Variants in EXT2 observed in about 807,000 individuals in gnomAD.
EXT2 encodes the protein exostosin glycosyltransferase 2.
A neutral mutation model predicts 81.6 loss-of-function variants in EXT2; 53 were observed. The observed-to-expected ratio is 0.65, with a 90% CI of 0.52 to 0.82. The LOEUF (loss-of-function observed/expected upper bound fraction) is 0.82. Among genes scored for constraint, EXT2 ranks in the 40% least tolerant of loss-of-function variants. EXT2 has a pLI of 0.00. For synonymous variants in EXT2, 320 were observed against 340.0 expected (o/e 0.94, Z 0.65); for missense variants, 774 against 910.2 (o/e 0.85, Z 1.93).
intron 4 of EXT2, among the ~76,000 whole-genome samples, chr11:44,123,999 C>G (rs1393589995): frequency 1.3e-5 from 2 of 150,572 alleles, no homozygotes; most frequent in Admixed American, 6.6e-5. Context: ...AAAATCTTCC[C>G]CTTGACTTCA....
intron 10 of EXT2, among the ~76,000 whole-genome samples, chr11:44,221,217 C>T (rs1342797212): frequency 6.6e-6 from 1 of 152,032 alleles, no homozygotes; most frequent in Non-Finnish European, 1.5e-5. Context: ...TAGTATGTGC[C>T]AAGCAGCCCT....
rs374628678 is a variant in EXT2, at chr11:44,103,940, CA to C, written c.-30-3740del. ...AGAATTTTATTAGTCTGTTTTTAAA[CA>C]AACAACTTTTAGCCTTGTTGACCAT... On this transcript the variant is annotated intron_variant, in intron 1 of 13. Coordinates refer to ENST00000533608, the MANE Select transcript of EXT2 (RefSeq NM_207122.2). Among the ~76,000 whole-genome samples the C allele has an allele frequency of 3.8e-3, 573 of 152,230 alleles. 4 individuals are homozygous for C. Among genetic ancestry groups the C allele is most frequent in the African/African-American group, 0.013 (548 of 41,538 alleles).
chr11:44,215,103 G>A (rs1955702315), intron 10 of EXT2, among the ~76,000 whole-genome samples: 1 of 151,962 alleles, frequency 6.6e-6, no homozygotes, highest in Non-Finnish European at 1.5e-5. Flanking sequence ...TGCTTTTTTT[G>A]TATTTAATTA....
intron 8 of EXT2, among the ~76,000 whole-genome samples, chr11:44,197,218 G>A (rs1388173527): frequency 2.0e-5 from 3 of 150,516 alleles, no homozygotes; most frequent in Non-Finnish European, 4.4e-5. Flanking sequence ...GGGAGGGTTT[G>A]TGAATCTGGG....
intron 6 of EXT2, among the ~76,000 whole-genome samples, chr11:44,129,109 C>T (rs1016423638): frequency 1.3e-5 from 2 of 152,218 alleles, no homozygotes; most frequent in African/African-American, 4.8e-5. Context: ...GTGGGCTCTA[C>T]CCTCTCATCC....
rs1956134100 is a variant in EXT2 at position 44,251,036 on chromosome 11, C to T, written c.*6749C>T. Among the ~76,000 whole-genome samples, 1 of 152,196 alleles carries T rather than the reference C, an allele frequency of 6.6e-6. No homozygotes were observed. Among genetic ancestry groups the T allele is most frequent in the South Asian group, 2.1e-4 (1 of 4,830 alleles). ...TCTCCTCTCTTCTGTCTACCCTGCACCAAAATACCTTGTCCTGTTTTCTGG... is the reference window on the plus strand; with the variant it reads ...TCTCCTCTCTTCTGTCTACCCTGCATCAAAATACCTTGTCCTGTTTTCTGG... On this transcript the variant is annotated 3_prime_UTR_variant, in exon 14 of 14. Transcript: ENST00000533608.
chr11:44,186,358 T>C (rs1473122539), intron 8 of EXT2, among the ~76,000 whole-genome samples: 1 of 152,232 alleles, frequency 6.6e-6, no homozygotes, highest in African/African-American at 2.4e-5. Flanking sequence ...TCTTTTAATA[T>C]GGCTTATGTT....
At chr11:44,100,750 T>C (rs1169774344) in intron 1 of EXT2, among the ~76,000 whole-genome samples, 1 of 152,160 alleles carries the variant, frequency 6.6e-6, no homozygotes, top group Non-Finnish European at 1.5e-5. Context: ...ATGCACAGCC[T>C]TGACAGGTTG....
intron 1 of EXT2, among the ~76,000 whole-genome samples, chr11:44,103,116 A>G (rs908951661): frequency 2.0e-5 from 3 of 151,994 alleles, no homozygotes; most frequent in African/African-American, 4.8e-5. Flanking sequence ...TAAATATTTT[A>G]TAGTTTTTCC....
intron 2 of EXT2, among the ~76,000 whole-genome samples, chr11:44,108,567 G>A (rs1027795871): frequency 3.9e-5 from 6 of 152,046 alleles, no homozygotes; most frequent in South Asian, 2.1e-4. Flanking sequence ...CCACCTCCTC[G>A]TAGCACTTAC....
chr11:44,137,987 A>G (rs1954593864), intron 7 of EXT2, among the ~76,000 whole-genome samples: 1 of 152,126 alleles, frequency 6.6e-6, no homozygotes, highest in Non-Finnish European at 1.5e-5. Flanking sequence ...TGCTAAGGAG[A>G]GCCAGGAATG....
rs749755507 is a variant in EXT2 at position 44,109,239 on chromosome 11, A to G, written c.582A>G (p.Gly194=). 9.3e-6 allele frequency: 15 copies of G among 1,613,974 alleles called. No homozygotes were observed. In the African/African-American group the frequency reaches 2.0e-4, roughly 22 times the overall value. Residue 194 remains glycine, a synonymous_variant, in exon 3 of 14, where the codon GGA becomes GGG. Transcript: ENST00000533608. ...TNHLLFNMLP[G]GPPDYNTALD... is the part of the protein sequence containing the mutation. ...ACCTGTTGTTCAACATGTTGCCTGG[A>G]GGTCCCCCAGATTATAACACAGCCC...
chr11:44,157,655 A>G (rs1954873220), intron 7 of EXT2, among the ~76,000 whole-genome samples: 1 of 152,202 alleles, frequency 6.6e-6, no homozygotes, highest in Non-Finnish European at 1.5e-5. Context: ...GGGTGAGTCT[A>G]GAAACGCCAT....
intron 10 of EXT2, among the ~76,000 whole-genome samples, chr11:44,209,713 C>T (rs1325643737): frequency 1.3e-5 from 2 of 152,224 alleles, no homozygotes; most frequent in Non-Finnish European, 2.9e-5. Context: ...AATCTCTACT[C>T]ATCCTTCAAC....
intron 4 of EXT2, among the ~76,000 whole-genome samples, chr11:44,120,833 T>A (rs535472239): frequency 6.6e-6 from 1 of 152,222 alleles, no homozygotes; most frequent in Non-Finnish European, 1.5e-5. Flanking sequence ...TGAACTAAAT[T>A]GGGAGTTTAC....
In EXT2 at chr11:44,244,349, C is replaced by T. The variant is rs138627468; in HGVS notation, c.*62C>T. ...GACAGAGGGAGAGAACAAGGCCTCC[C>T]AGCACTCTGATGTCAGAGTAGTAGG... is the stretch of plus-strand genomic sequence containing the variant. On this transcript the variant is annotated 3_prime_UTR_variant, in exon 14 of 14. Coordinates refer to ENST00000533608, the MANE Select transcript of EXT2 (RefSeq NM_207122.2). 312 of 1,579,596 alleles carry T rather than the reference C, an allele frequency of 2.0e-4. 2 individuals are homozygous for T. The East Asian group carries it at 6.6e-3, about 34-fold the overall frequency.
intron 8 of EXT2, among the ~76,000 whole-genome samples, chr11:44,183,131 A>T (rs1054364998): frequency 2.0e-5 from 3 of 152,248 alleles, no homozygotes; most frequent in Non-Finnish European, 2.9e-5. Flanking sequence ...AATGTATCAT[A>T]TTGGAGAACA....
At position 44,251,154 on chromosome 11, in the gene EXT2, C is replaced by T. The variant is rs1956134964; in HGVS notation, c.*6867C>T. On this transcript the variant is annotated 3_prime_UTR_variant, in exon 14 of 14. Transcript: ENST00000533608. The stretch of plus-strand genomic sequence containing the variant: ...GGCCAAATGAGGGTTCCATTAACTC[C>T]ATCTTGTCTAATGCATGGAGAATTC... Among the ~76,000 whole-genome samples the T allele has an allele frequency of 6.6e-6, 1 of 151,418 alleles. No individual in the cohort carries two copies. Among genetic ancestry groups the T allele is most frequent in the Non-Finnish European group, 1.5e-5 (1 of 67,956 alleles).
intron 10 of EXT2, among the ~76,000 whole-genome samples, chr11:44,230,513 G>A (rs1955885999): frequency 6.6e-6 from 1 of 152,160 alleles, no homozygotes; most frequent in African/African-American, 2.4e-5. Flanking sequence ...AAGTTAAAAT[G>A]TTGTCAGGGT....
Sources: allele counts gnomAD v4.1 joint callset (sites outside exome capture counted in the v4.1 genomes callset), GRCh38; gene constraint gnomAD v4.1.1; transcripts MANE v1.5; gene names NCBI Gene and HGNC (gene_info 2026-07-23, HGNC 2026-07-21).